Variants in CCDC60 observed in about 807,000 individuals in gnomAD.
CCDC60 encodes the protein coiled-coil domain containing 60.
A neutral mutation model predicts 63.5 loss-of-function variants in CCDC60; 54 were observed. That is an observed-to-expected ratio of 0.85 (90% CI 0.68 to 1.07). The LOEUF (loss-of-function observed/expected upper bound fraction) is 1.07, where lower values mean the gene tolerates loss of function less well. Ranked by LOEUF, CCDC60 falls within the 50% of genes least tolerant of loss-of-function variation. CCDC60 has a pLI of 0.00. For missense variants in CCDC60, 651 were observed against 684.3 expected, an observed-to-expected ratio of 0.95 and a Z score of 0.54; for synonymous variants, 206 against 238.8, an observed-to-expected ratio of 0.86 and a Z score of 1.27.
chr12:119,418,382 C>CTTTGTTTTTTTTTTTTTTTTT (rs1202154024), intron 1 of CCDC60, among the ~76,000 whole-genome samples: 2 of 60,726 alleles, frequency 3.3e-5, no homozygotes, highest in Non-Finnish European at 7.4e-5. Flanking sequence ...CCTTTTCTTT[C>CTTTGTTTTTTTTTTTTTTTTT]TTTCTTTTTT....
intron 12 of CCDC60, 44 bp from the exon 13 acceptor site, chr12:119,530,830 C>A: frequency 1.3e-6 from 2 of 1,554,884 alleles, no homozygotes; most frequent in Non-Finnish European, 1.8e-6. Context: ...GTGCTCAGAT[C>A]TTCCAGCAGC....
Position 119,500,158 on chromosome 12 carries a change from C to T in CCDC60, c.638C>T (p.Thr213Ile). Residue 213 changes from threonine to isoleucine, a missense_variant, in exon 6 of 14, where the codon ACA becomes ATA. By Grantham distance (89) the Thr-to-Ile change is moderately conservative. Coordinates refer to ENST00000327554, the MANE Select transcript of CCDC60 (RefSeq NM_178499.5). Reference sequence around the variant, plus strand: ...GGACAGAAATGGGAGCATTTCATCACAGCGCCAAAGGTAACCAACAACACG... The same window carrying T: ...GGACAGAAATGGGAGCATTTCATCATAGCGCCAAAGGTAACCAACAACACG... ...SMGQKWEHFI[T>I]APKTKKFKIP... 6.2e-7 allele frequency: 1 copy of T among 1,609,260 alleles called. No individual in the cohort carries two copies. The highest frequency in any genetic ancestry group is 8.5e-7 in the Non-Finnish European group (1 of 1,177,182).
At chr12:119,353,811 G>A (rs557817477) in intron 1 of CCDC60, among the ~76,000 whole-genome samples, 3 of 152,140 alleles carry the variant, frequency 2.0e-5, no homozygotes, top group Non-Finnish European at 2.9e-5. Context: ...AGTGGCTTAC[G>A]CCTGTAATCC....
intron 1 of CCDC60, among the ~76,000 whole-genome samples, chr12:119,366,328 G>A (rs946493691): frequency 6.6e-5 from 10 of 152,328 alleles, no homozygotes; most frequent in South Asian, 2.1e-4. Context: ...TCAAGGAGAC[G>A]AGATAACATG....
intron 1 of CCDC60, among the ~76,000 whole-genome samples, chr12:119,425,083 G>A (rs1297754157): frequency 6.6e-6 from 1 of 152,206 alleles, no homozygotes; most frequent in African/African-American, 2.4e-5. Flanking sequence ...AATTTAGGAT[G>A]TTTAGGAGAG....
rs1245787149 is a variant in CCDC60 at position 119,517,085 on chromosome 12, T to C, written c.968+378T>C. 2.4e-4 allele frequency among the ~76,000 whole-genome samples: 37 copies of C among 152,132 alleles called. 2 individuals carry two copies. Among genetic ancestry groups the C allele is most frequent in the Non-Finnish European group, 2.9e-5 (2 of 68,020 alleles). ...TCACTGCAGCCTCCAACTCCTGGAC[T>C]CAAGTGATCCTCCCAACTCAGCCTC... On this transcript the variant is annotated intron_variant, in intron 8 of 13. Transcript: ENST00000327554.
chr12:119,377,938 A>C (rs961945280), intron 1 of CCDC60, among the ~76,000 whole-genome samples: 4 of 152,210 alleles, frequency 2.6e-5, no homozygotes, highest in African/African-American at 9.7e-5. Context: ...TTAAGAGCAG[A>C]GGTTTCATAG....
At chr12:119,389,290 C>T (rs1381500884) in intron 1 of CCDC60, among the ~76,000 whole-genome samples, 1 of 152,188 alleles carries the variant, frequency 6.6e-6, no homozygotes, top group South Asian at 2.1e-4. Context: ...TCTGGCTGAC[C>T]ACTTGTTTTT....
chr12:119,466,318 C>G (rs1471597268), intron 2 of CCDC60, among the ~76,000 whole-genome samples: 1 of 152,180 alleles, frequency 6.6e-6, no homozygotes, highest in Admixed American at 6.5e-5. Flanking sequence ...TCATAAGGGC[C>G]AGAACTCTAC....
At chr12:119,344,855 TCACA>T (rs1199779284) in intron 1 of CCDC60, among the ~76,000 whole-genome samples, 10,344 of 114,676 alleles carry the variant, frequency 0.09, 407 homozygotes, top group African/African-American at 0.12. Context: ...TCTCTCTCTC[TCACA>T]CACACACACA....
In CCDC60 at chr12:119,481,606, T is replaced by A. The variant is rs189579602; in HGVS notation, c.449+2405T>A. Among the ~76,000 whole-genome samples the A allele has an allele frequency of 3.3e-5, 5 of 152,188 alleles. No individual in the cohort carries two copies. In the East Asian group the frequency reaches 9.7e-4, roughly 29 times the overall value. On this transcript the variant is annotated intron_variant, in intron 4 of 13. Coordinates refer to ENST00000327554, the MANE Select transcript of CCDC60 (RefSeq NM_178499.5). ...AGTCTCACAACAGGAATCTTTTTTTTTAATTTTTTTATTTCCATAGGTTTT... is the reference window on the plus strand; with the variant it reads ...AGTCTCACAACAGGAATCTTTTTTTATAATTTTTTTATTTCCATAGGTTTT...
intron 8 of CCDC60, among the ~76,000 whole-genome samples, chr12:119,517,717 G>C (rs1229749414): frequency 6.6e-6 from 1 of 152,178 alleles, no homozygotes; most frequent in Non-Finnish European, 1.5e-5. Flanking sequence ...GAAACTCAAG[G>C]ATTCTGGTTT....
chr12:119,434,905 A>C (rs1347283915), intron 2 of CCDC60, among the ~76,000 whole-genome samples: 1 of 152,220 alleles, frequency 6.6e-6, no homozygotes, highest in Non-Finnish European at 1.5e-5. Context: ...GTGCCACAAG[A>C]ACCACAGGAG....
chr12:119,524,721 C>T (rs2711745), intron 11 of CCDC60, among the ~76,000 whole-genome samples: 24,749 of 97,296 alleles, frequency 0.25, 3,671 homozygotes, highest in African/African-American at 0.31. Flanking sequence ...CTTTTCTTTT[C>T]TTTTTTTTTT....
intron 1 of CCDC60, among the ~76,000 whole-genome samples, chr12:119,398,612 G>A (rs1956330308): frequency 6.6e-6 from 1 of 152,222 alleles, no homozygotes; most frequent in African/African-American, 2.4e-5. Context: ...TCTATCCTGG[G>A]CAGCAGAGCA....
intron 1 of CCDC60, among the ~76,000 whole-genome samples, chr12:119,401,102 G>T (rs1348068310): frequency 2.0e-5 from 3 of 152,164 alleles, no homozygotes; most frequent in Non-Finnish European, 4.4e-5. Context: ...GTTACTTTCA[G>T]CTCAAAGACA....
intron 2 of CCDC60, among the ~76,000 whole-genome samples, chr12:119,450,589 T>C (rs901910983): frequency 2.0e-5 from 3 of 152,180 alleles, no homozygotes; most frequent in Admixed American, 2.0e-4. Flanking sequence ...CCGGGCGCAG[T>C]GGCTCACGCC....
Position 119,430,173 on chromosome 12 carries a change from TACACACACAC to T in CCDC60, c.170+1431_170+1440del, listed in dbSNP as rs36071467. ...GACTAAATTGTGCCCCTGCCACACA[TACACACACAC>T]ACACACACACACACACACATACACA... On this transcript the variant is annotated intron_variant, in intron 2 of 13. Transcript: ENST00000327554. Among the ~76,000 whole-genome samples the T allele has an allele frequency of 5.9e-4, 88 of 149,834 alleles. 2 individuals carry two copies. In the South Asian group the frequency reaches 0.017, roughly 29 times the overall value.
chr12:119,397,025 C>A (rs1298325932), intron 1 of CCDC60, among the ~76,000 whole-genome samples: 4 of 152,164 alleles, frequency 2.6e-5, no homozygotes, highest in Non-Finnish European at 5.9e-5. Flanking sequence ...AGTGAAGCTG[C>A]AGACCTTCAC....
Sources: allele counts gnomAD v4.1 joint callset (sites outside exome capture counted in the v4.1 genomes callset), GRCh38; gene constraint gnomAD v4.1.1; transcripts MANE v1.5; gene names NCBI Gene and HGNC (gene_info 2026-07-23, HGNC 2026-07-21).